The following PRKD1 variants were observed in gnomAD, a reference collection of about 807,000 sequenced individuals.
PRKD1 encodes serine/threonine-protein kinase D1.
Under a neutral mutation model 95.9 loss-of-function variants are expected in PRKD1, and 63 were observed. The ratio of observed to expected loss-of-function variants is 0.66; its 90% confidence interval spans 0.54 to 0.81. The LOEUF (loss-of-function observed/expected upper bound fraction) is 0.81. Among genes scored for constraint, PRKD1 ranks in the 30% least tolerant of loss-of-function variants. PRKD1 has a pLI of 0.00. For synonymous variants in PRKD1, 425 were observed against 423.1 expected (o/e 1.00, Z -0.05); for missense variants, 1,048 against 1,165.3 (o/e 0.90, Z 1.47).
chr14:29,599,191 A>C, intron 14 of PRKD1, 66 bp from the exon 15 acceptor site: 1 of 1,376,774 alleles, frequency 7.3e-7, no homozygotes, highest in Non-Finnish European at 1.0e-6. Flanking sequence ...CTACCAGTTA[A>C]AAGGCCAAGA....
chr14:29,614,977 G>A (rs1345161039), intron 13 of PRKD1, among the ~76,000 whole-genome samples: 3 of 150,098 alleles, frequency 2.0e-5, no homozygotes, highest in Non-Finnish European at 4.4e-5. Flanking sequence ...CTCCCAAAGT[G>A]CTTGGATTAC....
intron 1 of PRKD1, among the ~76,000 whole-genome samples, chr14:29,875,746 G>A (rs1272537536): frequency 6.6e-6 from 1 of 152,124 alleles, no homozygotes; most frequent in Non-Finnish European, 1.5e-5. Flanking sequence ...TTGTTGGTTT[G>A]TTCTGGTTTT....
At chr14:29,610,491 T>C (rs932965539) in intron 13 of PRKD1, among the ~76,000 whole-genome samples, 13 of 152,276 alleles carry the variant, frequency 8.5e-5, no homozygotes, top group African/African-American at 2.9e-4. Context: ...CCTATTAGAA[T>C]TGCCAAAATC....
At chr14:29,583,170 A>G (rs1892804673) in intron 16 of PRKD1, among the ~76,000 whole-genome samples, 1 of 152,002 alleles carries the variant, frequency 6.6e-6, no homozygotes, top group Admixed American at 6.6e-5. Flanking sequence ...GGTACCCTGT[A>G]CCTCCTTCTA....
chr14:29,692,721 C>A (rs956972350), intron 2 of PRKD1, among the ~76,000 whole-genome samples: 1 of 152,174 alleles, frequency 6.6e-6, no homozygotes, highest in Non-Finnish European at 1.5e-5. Flanking sequence ...CTGAATGCTA[C>A]TTCACAGACA....
chr14:29,721,386 A>C (rs1449517275), intron 2 of PRKD1, among the ~76,000 whole-genome samples: 1 of 152,226 alleles, frequency 6.6e-6, no homozygotes, highest in Non-Finnish European at 1.5e-5. Context: ...CTGTGACTTT[A>C]TTTGAGGAAT....
chr14:29,848,272 T>G (rs937701278), intron 1 of PRKD1, among the ~76,000 whole-genome samples: 1 of 152,026 alleles, frequency 6.6e-6, no homozygotes, highest in Middle Eastern at 3.2e-3. Flanking sequence ...AAAAGGTGGA[T>G]GGCCATTATT....
chr14:29,738,819 C>T (rs889909437), intron 1 of PRKD1, among the ~76,000 whole-genome samples: 2 of 148,312 alleles, frequency 1.3e-5, no homozygotes, highest in Non-Finnish European at 3.0e-5. Context: ...CTGTCTCTCT[C>T]TCTTTCTTTT....
At chr14:29,799,598 T>A (rs1889945853) in intron 1 of PRKD1, among the ~76,000 whole-genome samples, 2 of 152,230 alleles carry the variant, frequency 1.3e-5, no homozygotes, top group Admixed American at 6.5e-5. Context: ...TCGGCAGCAC[T>A]GCACTCTCTT....
At chr14:29,863,075 C>T (rs1421889543) in intron 1 of PRKD1, among the ~76,000 whole-genome samples, 2 of 152,176 alleles carry the variant, frequency 1.3e-5, no homozygotes, top group East Asian at 1.9e-4. Context: ...GAATTTCTTA[C>T]TGAATGGCTG....
At chr14:29,915,302 G>A (rs546839064) in intron 1 of PRKD1, among the ~76,000 whole-genome samples, 2 of 152,194 alleles carry the variant, frequency 1.3e-5, no homozygotes, top group African/African-American at 4.8e-5. Flanking sequence ...GGTGGGTAAG[G>A]ACTGGCTATC....
intron 1 of PRKD1, among the ~76,000 whole-genome samples, chr14:29,776,118 G>A (rs1888741096): frequency 6.6e-6 from 1 of 152,074 alleles, no homozygotes. Context: ...CAAACAGAAA[G>A]GACATCCACA....
intron 1 of PRKD1, among the ~76,000 whole-genome samples, chr14:29,795,008 A>C (rs1416039291): frequency 6.6e-6 from 1 of 152,116 alleles, no homozygotes; most frequent in Admixed American, 6.6e-5. Context: ...CATTTCTATA[A>C]TATTACTAAG....
At position 29,810,137 on chromosome 14, in the gene PRKD1, A is replaced by G. The variant is rs188167378; in HGVS notation, c.265-84463T>C. 2.0e-5 allele frequency among the ~76,000 whole-genome samples: 3 copies of G among 152,372 alleles called. No homozygotes were observed. The East Asian group carries it at 5.8e-4, about 29-fold the overall frequency. On this transcript the variant is annotated intron_variant, in intron 1 of 17. Transcript: ENST00000331968. Reference sequence around the variant, plus strand: ...CAATTTTTGGTATATCAAAACAATTACAATAGTAATTACAAAAATCATTCA... The same window carrying G: ...CAATTTTTGGTATATCAAAACAATTGCAATAGTAATTACAAAAATCATTCA...
At chr14:29,906,671 C>T (rs896158239) in intron 1 of PRKD1, among the ~76,000 whole-genome samples, 6 of 152,314 alleles carry the variant, frequency 3.9e-5, no homozygotes, top group Admixed American at 1.3e-4. Context: ...TGCAATCTGA[C>T]TCACATCAAA....
intron 1 of PRKD1, among the ~76,000 whole-genome samples, chr14:29,846,677 T>C (rs1892090472): frequency 1.3e-5 from 2 of 152,090 alleles, no homozygotes; most frequent in South Asian, 4.1e-4. Flanking sequence ...TTTAGAAGGA[T>C]CATTCTGACT....
At chr14:29,668,389 C>A (rs1036541464) in intron 2 of PRKD1, among the ~76,000 whole-genome samples, 1 of 152,148 alleles carries the variant, frequency 6.6e-6, no homozygotes, top group African/African-American at 2.4e-5. Flanking sequence ...AATCAATCAG[C>A]CAACCTAAAT....
At position 29,685,402 on chromosome 14, in the gene PRKD1, G is replaced by A. The variant is rs544938455; in HGVS notation, c.404-19194C>T. Among the ~76,000 whole-genome samples, 3 of 152,220 alleles carry A rather than the reference G, an allele frequency of 2.0e-5. No individual in the cohort carries two copies. The South Asian group carries it at 6.2e-4, about 32-fold the overall frequency. On this transcript the variant is annotated intron_variant, in intron 2 of 17. Coordinates refer to ENST00000331968, the MANE Select transcript of PRKD1 (RefSeq NM_002742.3). ...CAGGGAAGCTTCATTCTGATAAAAG[G>A]GATAGAATAGCACATTGAAATATCT...
At chr14:29,771,344 A>G (rs773058965) in intron 1 of PRKD1, among the ~76,000 whole-genome samples, 1 of 152,140 alleles carries the variant, frequency 6.6e-6, no homozygotes, top group African/African-American at 2.4e-5. Flanking sequence ...AACTATGTCA[A>G]ACAAGGGCTC....
Sources: allele counts gnomAD v4.1 joint callset (sites outside exome capture counted in the v4.1 genomes callset), GRCh38; gene constraint gnomAD v4.1.1; transcripts MANE v1.5; gene names NCBI Gene and HGNC (gene_info 2026-07-23, HGNC 2026-07-21).